The following AKAP19 variants were observed in gnomAD, a reference collection of about 807,000 sequenced individuals.
The protein encoded by AKAP19 is A-kinase anchoring protein 19.
chr2:190,018,926 C>T, the AKAP19 span, among the ~76,000 whole-genome samples: 2 of 152,138 alleles, frequency 1.3e-5, no homozygotes, highest in South Asian at 2.1e-4. Flanking sequence ...GTGGGGCTGC[C>T]GGCTGGATTC....
the AKAP19 span, among the ~76,000 whole-genome samples, chr2:190,140,200 G>A: frequency 6.6e-6 from 1 of 152,156 alleles, no homozygotes; most frequent in Non-Finnish European, 1.5e-5. Flanking sequence ...CTGTGGCTTT[G>A]CAGGTTATAC....
the AKAP19 span, among the ~76,000 whole-genome samples, chr2:189,968,472 T>C: frequency 6.6e-6 from 1 of 152,206 alleles, no homozygotes; most frequent in Admixed American, 6.5e-5. Context: ...CCTCGTGGCC[T>C]CAAGTGATTC....
chr2:190,080,328 A>G, the AKAP19 span, among the ~76,000 whole-genome samples: 1 of 152,236 alleles, frequency 6.6e-6, no homozygotes, highest in African/African-American at 2.4e-5. Context: ...CTCATATTCC[A>G]GTGGGGGAGA....
the AKAP19 span, among the ~76,000 whole-genome samples, chr2:190,013,299 G>A: frequency 6.6e-6 from 1 of 152,032 alleles, no homozygotes; most frequent in African/African-American, 2.4e-5. Context: ...CTTAGTATTG[G>A]TCTGTTCAGA....
chr2:190,174,195 G>C, the AKAP19 span, among the ~76,000 whole-genome samples: 7 of 152,314 alleles, frequency 4.6e-5, no homozygotes, highest in Middle Eastern at 0.01. Flanking sequence ...ACCGTGTCTG[G>C]TGTGCTCTCG....
the AKAP19 span, among the ~76,000 whole-genome samples, chr2:190,133,479 A>G: frequency 6.6e-6 from 1 of 152,196 alleles, no homozygotes; most frequent in Non-Finnish European, 1.5e-5. Context: ...CTGGGAATGT[A>G]AGTTAGTGTG....
the AKAP19 span, among the ~76,000 whole-genome samples, chr2:190,004,972 G>A: frequency 6.6e-6 from 1 of 152,136 alleles, no homozygotes; most frequent in South Asian, 2.1e-4. Flanking sequence ...CAACAATTAA[G>A]CCACGGACCC....
chr2:190,083,483 T>C, the AKAP19 span, among the ~76,000 whole-genome samples: 1 of 151,964 alleles, frequency 6.6e-6, no homozygotes, highest in African/African-American at 2.4e-5. Context: ...CCCAGAAGAC[T>C]CAGACCTGAT....
At chr2:190,004,467 T>G in the AKAP19 span, among the ~76,000 whole-genome samples, 1 of 112,996 alleles carries the variant, frequency 8.8e-6, no homozygotes, top group Non-Finnish European at 2.1e-5. Flanking sequence ...TTGATATCTC[T>G]ACCTTATCAC....
chr2:190,100,540 C>T, the AKAP19 span, among the ~76,000 whole-genome samples: 2 of 152,016 alleles, frequency 1.3e-5, no homozygotes, highest in East Asian at 3.9e-4. Context: ...CAAATAACTA[C>T]GTTTGAGACT....
At chr2:190,155,821 G>C in the AKAP19 span, among the ~76,000 whole-genome samples, 10 of 152,006 alleles carry the variant, frequency 6.6e-5, no homozygotes, top group Admixed American at 6.6e-4. Flanking sequence ...CTAGCAACAA[G>C]CTATAAAAGA....
At chr2:190,013,003 G>T in the AKAP19 span, among the ~76,000 whole-genome samples, 4,948 of 152,020 alleles carry the variant, frequency 0.033, 276 homozygotes, top group African/African-American at 0.11. Context: ...TATTAAATTT[G>T]GTTTGCTGTT....
chr2:190,057,173 C>A, the AKAP19 span: 5 of 1,464,532 alleles, frequency 3.4e-6, no homozygotes, highest in Non-Finnish European at 3.8e-6. Context: ...GGCCTATAGC[C>A]TGTGGTACTT....
At chr2:190,126,432 T>C in the AKAP19 span, among the ~76,000 whole-genome samples, 1 of 151,316 alleles carries the variant, frequency 6.6e-6, no homozygotes, top group African/African-American at 2.4e-5. Flanking sequence ...GAAAGTATCC[T>C]TTACAATATC....
At chr2:190,183,360 C>A in the AKAP19 span, among the ~76,000 whole-genome samples, 1 of 152,142 alleles carries the variant, frequency 6.6e-6, no homozygotes, top group East Asian at 1.9e-4. Flanking sequence ...GTCCATAGAG[C>A]AGTCTTCTCC....
the AKAP19 span, among the ~76,000 whole-genome samples, chr2:190,149,027 G>A: frequency 1.2e-4 from 18 of 147,374 alleles, no homozygotes; most frequent in South Asian, 8.4e-4. Flanking sequence ...GCAATGGCAC[G>A]ATCTCGGCTC....
chr2:189,900,760 T>C, the AKAP19 span, among the ~76,000 whole-genome samples: 1 of 152,122 alleles, frequency 6.6e-6, no homozygotes, highest in Non-Finnish European at 1.5e-5. Context: ...CAGTTCCAGA[T>C]AAAGAAAGGC....
the AKAP19 span, among the ~76,000 whole-genome samples, chr2:190,171,608 C>T: frequency 6.6e-6 from 1 of 152,098 alleles, no homozygotes; most frequent in South Asian, 2.1e-4. Flanking sequence ...TTCAACTCTA[C>T]TCAATAAATA....
At chr2:190,047,110 A>G in the AKAP19 span, among the ~76,000 whole-genome samples, 2 of 152,170 alleles carry the variant, frequency 1.3e-5, no homozygotes, top group African/African-American at 4.8e-5. Context: ...TCAGGGAGAC[A>G]TACAAGGACA....
Sources: gnomAD v4.1 joint callset for allele counts (sites outside exome capture counted in the v4.1 genomes callset) on GRCh38, gnomAD v4.1.1 for gene constraint, MANE v1.5 for transcripts, NCBI Gene and HGNC (gene_info 2026-07-23, HGNC 2026-07-21) for gene names.